The following KCNH8 variants were observed in gnomAD, a reference collection of about 807,000 sequenced individuals.
KCNH8 encodes the protein potassium voltage-gated channel subfamily H member 8, also known as voltage-gated delayed rectifier potassium channel KCNH8.
KCNH8 carries 70 observed loss-of-function variants against 103.6 expected under a neutral mutation model. That is an observed-to-expected ratio of 0.68 (90% CI 0.56 to 0.82). KCNH8 has a LOEUF of 0.82. Among genes scored for constraint, KCNH8 ranks in the 40% least tolerant of loss-of-function variants. The pLI is 0.00. For synonymous variants in KCNH8, 498 were observed against 489.4 expected (o/e 1.02, Z -0.23); for missense variants, 1,217 against 1,329.9 (o/e 0.92, Z 1.32).
intron 7 of KCNH8, among the ~76,000 whole-genome samples, chr3:19,420,043 T>C (rs2066928066): frequency 6.6e-6 from 1 of 152,122 alleles, no homozygotes; most frequent in Non-Finnish European, 1.5e-5. Context: ...CTTACTATCA[T>C]TGAAAATTTA....
chr3:19,314,970 G>A (rs918385379), intron 3 of KCNH8: 1 of 153,892 alleles, frequency 6.5e-6, no homozygotes, highest in Non-Finnish European at 1.5e-5. Context: ...TGTTGTTGTG[G>A]TATTGCTTTA....
At chr3:19,378,310 A>G (rs1229960942) in intron 5 of KCNH8, among the ~76,000 whole-genome samples, 3 of 152,224 alleles carry the variant, frequency 2.0e-5, no homozygotes, top group Non-Finnish European at 4.4e-5. Flanking sequence ...CTACAATCCT[A>G]TTGCTCTGGA....
At chr3:19,376,528 C>T (rs1322876854) in intron 5 of KCNH8, among the ~76,000 whole-genome samples, 1 of 152,194 alleles carries the variant, frequency 6.6e-6, no homozygotes, top group Non-Finnish European at 1.5e-5. Flanking sequence ...AACCCGGTAC[C>T]TCAGATGGAA....
chr3:19,526,337 G>A (rs926480092), intron 15 of KCNH8, among the ~76,000 whole-genome samples: 7 of 152,046 alleles, frequency 4.6e-5, no homozygotes, highest in Middle Eastern at 3.4e-3. Flanking sequence ...GGAAGTTCCA[G>A]TTATACTCAA....
intron 5 of KCNH8, among the ~76,000 whole-genome samples, chr3:19,371,454 G>A (rs1434496244): frequency 6.7e-6 from 1 of 149,402 alleles, no homozygotes; most frequent in Non-Finnish European, 1.5e-5. Context: ...TTTTGATGGG[G>A]TTGTTTGTTT....
intron 2 of KCNH8, among the ~76,000 whole-genome samples, chr3:19,259,087 T>C (rs1362920900): frequency 1.3e-5 from 2 of 150,500 alleles, no homozygotes; most frequent in Non-Finnish European, 3.0e-5. Flanking sequence ...AATCTTGAGT[T>C]TTGATAAGGT....
intron 3 of KCNH8, among the ~76,000 whole-genome samples, chr3:19,299,276 T>A (rs2125288020): frequency 6.6e-6 from 1 of 151,472 alleles, no homozygotes; most frequent in South Asian, 2.1e-4. Context: ...TATGGAGTAA[T>A]CTTAGCTGAA....
intron 11 of KCNH8, among the ~76,000 whole-genome samples, chr3:19,485,087 G>A (rs545312660): frequency 5.9e-5 from 9 of 152,180 alleles, no homozygotes; most frequent in Admixed American, 2.0e-4. Context: ...GTCGGTAGGC[G>A]GCATGTAGCT....
At chr3:19,417,967 A>G (rs2066888752) in intron 7 of KCNH8, among the ~76,000 whole-genome samples, 1 of 152,216 alleles carries the variant, frequency 6.6e-6, no homozygotes, top group African/African-American at 2.4e-5. Context: ...GGACACAAAA[A>G]TATTGTAAAA....
rs71055062 is a variant in KCNH8 at position 19,331,249 on chromosome 3, TTTTATTTA to T, written c.443-11307_443-11300del. On this transcript the variant is annotated intron_variant, in intron 3 of 15. Coordinates refer to ENST00000328405, the MANE Select transcript of KCNH8 (RefSeq NM_144633.3). ...GAGATGGACTTCTTTCTTTAATTAT[TTTTATTTA>T]TTTATTTATTTATTTATTTATTTAT... Among the ~76,000 whole-genome samples the T allele has an allele frequency of 8.1e-3, 1,177 of 144,600 alleles. 8 individuals are homozygous for T. The highest frequency in any genetic ancestry group is 0.023 in the African/African-American group (892 of 39,316). 94.9% of individuals were successfully genotyped at this position (144,600 alleles called of 152,430 possible). A position where few individuals can be genotyped will look rare whatever the true frequency, so the allele number is the denominator to read the frequency against.
intron 11 of KCNH8, among the ~76,000 whole-genome samples, chr3:19,492,655 G>T (rs2068347978): frequency 6.6e-6 from 1 of 152,036 alleles, no homozygotes; most frequent in African/African-American, 2.4e-5. Context: ...AATTGCTTTT[G>T]CTGTTTGGGC....
chr3:19,382,109 C>T (rs539055367), intron 5 of KCNH8, among the ~76,000 whole-genome samples: 29 of 152,172 alleles, frequency 1.9e-4, no homozygotes, highest in African/African-American at 6.3e-4. Context: ...TGAAATGCAA[C>T]ATTTAAAAAA....
chr3:19,282,110 C>T (rs2064764791), intron 3 of KCNH8, among the ~76,000 whole-genome samples: 1 of 152,014 alleles, frequency 6.6e-6, no homozygotes, highest in Non-Finnish European at 1.5e-5. Flanking sequence ...ACAGCTATGT[C>T]TTTTTAGGAA....
At chr3:19,264,460 G>A (rs1268116857) in intron 2 of KCNH8, among the ~76,000 whole-genome samples, 1 of 152,116 alleles carries the variant, frequency 6.6e-6, no homozygotes, top group African/African-American at 2.4e-5. Flanking sequence ...ATGAGCAGGA[G>A]TTTTACGTAA....
At chr3:19,283,840 G>T (rs976554692) in intron 3 of KCNH8, among the ~76,000 whole-genome samples, 1 of 151,040 alleles carries the variant, frequency 6.6e-6, no homozygotes. Context: ...CTATTTGGGA[G>T]GCTGAGGTGA....
intron 1 of KCNH8, among the ~76,000 whole-genome samples, chr3:19,201,231 CAAAA>C (rs1170312203): frequency 0.028 from 618 of 21,844 alleles, 1 homozygote; most frequent in African/African-American, 0.11. Context: ...GACTCTGCCT[CAAAA>C]AAAAAAAAAA....
chr3:19,352,409 C>A (rs1048109129), intron 5 of KCNH8, among the ~76,000 whole-genome samples: 25 of 152,130 alleles, frequency 1.6e-4, no homozygotes. Context: ...GAACTCTCCA[C>A]CCCAAATCAA....
intron 7 of KCNH8, among the ~76,000 whole-genome samples, chr3:19,428,310 C>G (rs982944130): frequency 6.6e-6 from 1 of 152,140 alleles, no homozygotes; most frequent in East Asian, 1.9e-4. Context: ...AGAAAATATT[C>G]TGAGTCTGTG....
At chr3:19,326,229 A>G (rs1241754535) in intron 3 of KCNH8, among the ~76,000 whole-genome samples, 1 of 151,808 alleles carries the variant, frequency 6.6e-6, no homozygotes, top group Non-Finnish European at 1.5e-5. Context: ...AAAATAACTA[A>G]AGGATACTAG....
Sources: gnomAD v4.1 joint callset for allele counts (sites outside exome capture counted in the v4.1 genomes callset) on GRCh38, gnomAD v4.1.1 for gene constraint, MANE v1.5 for transcripts, NCBI Gene and HGNC (gene_info 2026-07-23, HGNC 2026-07-21) for gene names.